The following EXOC6 variants were observed in gnomAD, a reference collection of about 807,000 sequenced individuals.
The protein encoded by EXOC6 is exocyst complex component 6, also known as SEC15-like 1.
EXOC6 carries 60 observed loss-of-function variants against 112.5 expected under a neutral mutation model. The ratio of observed to expected loss-of-function variants is 0.53; its 90% CI spans 0.43 to 0.66. The LOEUF (loss-of-function observed/expected upper bound fraction) is 0.66, where lower values mean the gene tolerates loss of function less well. Ranked by LOEUF, EXOC6 falls within the 30% of genes least tolerant of loss-of-function variation. The probability of loss-of-function intolerance (pLI) is 0.00; values close to 1 mark genes in which losing one functional copy is unlikely to be tolerated. For synonymous variants in EXOC6, 295 were observed against 308.0 expected, an observed-to-expected ratio of 0.96 and a Z score of 0.44; for missense variants, 855 against 957.1, an observed-to-expected ratio of 0.89 and a Z score of 1.41.
upstream of EXOC6, chr10:92,831,289 C>G (rs1222169819): frequency 4.8e-5 from 62 of 1,287,086 alleles, no homozygotes; most frequent in Non-Finnish European, 6.3e-5. Flanking sequence ...CTTGAATCTC[C>G]AGGCTGAGCC....
At chr10:92,877,298 T>A (rs1848724081) in intron 1 of EXOC6, among the ~76,000 whole-genome samples, 1 of 152,162 alleles carries the variant, frequency 6.6e-6, no homozygotes, top group African/African-American at 2.4e-5. Context: ...TTTATCTTTT[T>A]TTTTTCCTGT....
At chr10:93,000,890 G>C (rs943079455) in intron 19 of EXOC6, among the ~76,000 whole-genome samples, 1 of 152,064 alleles carries the variant, frequency 6.6e-6, no homozygotes, top group African/African-American at 2.4e-5. Context: ...CTGACTTTCA[G>C]TGATTGATAT....
At chr10:92,921,286 C>A (rs528044468) in intron 8 of EXOC6, among the ~76,000 whole-genome samples, 1 of 144,906 alleles carries the variant, frequency 6.9e-6, no homozygotes, top group East Asian at 2.0e-4. Context: ...CTCTTGTTGC[C>A]CAGGATGGAG....
intron 1 of EXOC6, among the ~76,000 whole-genome samples, chr10:92,837,778 A>C (rs1846709372): frequency 6.6e-6 from 1 of 152,208 alleles, no homozygotes; most frequent in Non-Finnish European, 1.5e-5. Context: ...CCCCGGAATG[A>C]ACAGTGAGAG....
chr10:93,036,223 AAAAAAAAG>A (rs1342599457), intron 20 of EXOC6, among the ~76,000 whole-genome samples: 1 of 151,684 alleles, frequency 6.6e-6, no homozygotes, highest in African/African-American at 2.4e-5. Flanking sequence ...CATCTCAAAA[AAAAAAAAG>A]AAAAAAAAGA....
intron 1 of EXOC6, among the ~76,000 whole-genome samples, chr10:92,882,100 A>G (rs1210339541): frequency 1.3e-5 from 2 of 152,216 alleles, no homozygotes; most frequent in Non-Finnish European, 2.9e-5. Context: ...TGTATTTGAT[A>G]AAATGGTTGG....
Position 92,895,039 on chromosome 10 carries a change from T to C in EXOC6, c.412+19T>C, listed in dbSNP as rs200436573. On this transcript the variant is annotated intron_variant, in intron 4 of 21. Transcript: ENST00000260762. ...CTTCCTGGTGAGTTAAACTTGTCTA[T>C]AATAAAACGTTTGGCTTGGTAAAGT... 25 of 1,435,594 alleles carry C rather than the reference T, an allele frequency of 1.7e-5. No individual in the cohort carries two copies. The highest frequency in any genetic ancestry group is 1.8e-4 in the Middle Eastern group (1 of 5,624). 88.9% of individuals were successfully genotyped at this position (1,435,594 alleles called of 1,614,324 possible). A position where few individuals can be genotyped will look rare whatever the true frequency, so the allele number is the denominator to read the frequency against.
intron 1 of EXOC6, among the ~76,000 whole-genome samples, chr10:92,874,926 C>T (rs1004694049): frequency 3.9e-5 from 6 of 152,272 alleles, no homozygotes; most frequent in East Asian, 3.9e-4. Context: ...TTTAAAATTC[C>T]TGAGAGTGTA....
upstream of EXOC6, among the ~76,000 whole-genome samples, chr10:92,833,948 C>A (rs918301536): frequency 1.3e-5 from 2 of 151,778 alleles, no homozygotes; most frequent in African/African-American, 4.8e-5. Context: ...TTCTTAAAAC[C>A]CTGACATCTT....
intron 14 of EXOC6, among the ~76,000 whole-genome samples, chr10:92,949,091 C>A (rs1370197513): frequency 1.3e-5 from 2 of 152,152 alleles, no homozygotes; most frequent in African/African-American, 4.8e-5. Context: ...AAAAGGATGT[C>A]ATTTTAACTG....
At chr10:92,961,697 T>G (rs1434671111) in intron 17 of EXOC6, among the ~76,000 whole-genome samples, 3 of 79,962 alleles carry the variant, frequency 3.8e-5, no homozygotes, top group African/African-American at 1.2e-4. Flanking sequence ...GTGCTCCGCT[T>G]TCTGTTTTTT....
At chr10:93,027,157 C>T (rs376234191) in intron 20 of EXOC6, among the ~76,000 whole-genome samples, 7 of 152,308 alleles carry the variant, frequency 4.6e-5, no homozygotes, top group African/African-American at 1.4e-4. Context: ...ACAGCATTCC[C>T]TTGAGCCAAA....
At chr10:93,050,441 C>T (rs1192587561) in intron 20 of EXOC6, among the ~76,000 whole-genome samples, 1 of 151,394 alleles carries the variant, frequency 6.6e-6, no homozygotes, top group African/African-American at 2.4e-5. Context: ...GTCCCAGCTG[C>T]TTGGGAGGCT....
intron 18 of EXOC6, among the ~76,000 whole-genome samples, chr10:92,992,736 G>A (rs550058064): frequency 1.6e-3 from 245 of 151,786 alleles, no homozygotes; most frequent in African/African-American, 5.6e-3. Context: ...TCCATCTGAT[G>A]AAATACCTCA....
chr10:92,982,351 C>T (rs937842055), intron 18 of EXOC6, among the ~76,000 whole-genome samples: 2 of 151,884 alleles, frequency 1.3e-5, no homozygotes, highest in Non-Finnish European at 2.9e-5. Context: ...AATATATATC[C>T]CAAGATCCAA....
intron 14 of EXOC6, among the ~76,000 whole-genome samples, chr10:92,951,801 T>TA (rs1417489336): frequency 2.0e-5 from 3 of 152,216 alleles, no homozygotes; most frequent in African/African-American, 4.8e-5. Flanking sequence ...TTCTAGGAGT[T>TA]ACGGAATAAA....
chr10:93,010,007 G>A (rs1324514337), intron 19 of EXOC6, among the ~76,000 whole-genome samples: 1 of 152,184 alleles, frequency 6.6e-6, no homozygotes, highest in Non-Finnish European at 1.5e-5. Flanking sequence ...ATCCAAGCAA[G>A]AAATGATGAT....
At chr10:92,860,565 A>G (rs1589716206) in intron 1 of EXOC6, among the ~76,000 whole-genome samples, 2 of 152,212 alleles carry the variant, frequency 1.3e-5, no homozygotes, top group Admixed American at 1.3e-4. Context: ...CTGGCTCTCC[A>G]CAACTGTTTT....
chr10:92,955,087 G>A (rs66468832), intron 16 of EXOC6, among the ~76,000 whole-genome samples: 39,555 of 151,824 alleles, frequency 0.26, 5,251 homozygotes, highest in Middle Eastern at 0.37. Context: ...TAGCTACTCT[G>A]GACTTGAGCC....
Sources: gnomAD v4.1 joint callset for allele counts (sites outside exome capture counted in the v4.1 genomes callset) on GRCh38, gnomAD v4.1.1 for gene constraint, MANE v1.5 for transcripts, NCBI Gene and HGNC (gene_info 2026-07-23, HGNC 2026-07-21) for gene names.